The following CSMD1 variants were observed in gnomAD, a reference collection of about 807,000 sequenced individuals.
CSMD1 encodes the protein CUB and Sushi multiple domains 1, also known as CUB and sushi domain-containing protein 1.
A neutral mutation model predicts 417.5 loss-of-function variants in CSMD1; 213 were observed. That is an observed-to-expected ratio of 0.51 (90% CI 0.46 to 0.57). The LOEUF is 0.57. CSMD1 is among the 20% of genes least tolerant of loss of function. The pLI, the probability that CSMD1 is intolerant of heterozygous loss-of-function variation, is 0.00. For missense variants in CSMD1, 6,923 were observed against 4,529.7 expected, an observed-to-expected ratio of 1.53 and a Z score of -15.17; for synonymous variants, 2,862 against 1,736.8, an observed-to-expected ratio of 1.65 and a Z score of -16.11.
chr8:4,857,141 C>T (rs570889007), intron 1 of CSMD1, among the ~76,000 whole-genome samples: 1 of 151,146 alleles, frequency 6.6e-6, no homozygotes, highest in African/African-American at 2.4e-5. Context: ...TACATGGAAA[C>T]TGAACAACCT....
chr8:3,919,742 AT>A (rs567632801), intron 5 of CSMD1, among the ~76,000 whole-genome samples: 225 of 152,256 alleles, frequency 1.5e-3, no homozygotes, highest in Non-Finnish European at 2.5e-3. Flanking sequence ...CATTTTAAAA[AT>A]ATTAATTATT....
intron 3 of CSMD1, among the ~76,000 whole-genome samples, chr8:4,391,516 C>T (rs1216136721): frequency 6.6e-6 from 1 of 152,068 alleles, no homozygotes; most frequent in Non-Finnish European, 1.5e-5. Context: ...GTGCAGGAGA[C>T]CAAGCCACAA....
At chr8:4,317,191 C>T (rs907246870) in intron 3 of CSMD1, among the ~76,000 whole-genome samples, 2 of 152,082 alleles carry the variant, frequency 1.3e-5, no homozygotes, top group Non-Finnish European at 2.9e-5. Context: ...TAAAGCAGCT[C>T]AATGGGTTAT....
intron 26 of CSMD1, among the ~76,000 whole-genome samples, chr8:3,254,062 C>A (rs2117047890): frequency 6.6e-6 from 1 of 152,256 alleles, no homozygotes; most frequent in South Asian, 2.1e-4. Context: ...TCTTGTAGGG[C>A]AGGCCTGGTG....
chr8:3,150,755 G>C (rs1410253351), intron 40 of CSMD1, among the ~76,000 whole-genome samples: 1 of 152,094 alleles, frequency 6.6e-6, no homozygotes, highest in African/African-American at 2.4e-5. Context: ...AGGAAACCAG[G>C]AGGCAGACAG....
chr8:4,322,392 G>A (rs1055194819), intron 3 of CSMD1, among the ~76,000 whole-genome samples: 3 of 152,122 alleles, frequency 2.0e-5, no homozygotes, highest in South Asian at 2.1e-4. Context: ...GTTGGCAAAA[G>A]CATCTCACCT....
chr8:4,460,693 G>A (rs1799760379), intron 2 of CSMD1, among the ~76,000 whole-genome samples: 1 of 152,090 alleles, frequency 6.6e-6, no homozygotes, highest in African/African-American at 2.4e-5. Flanking sequence ...ACATCTGGTA[G>A]TCAACAAACT....
At chr8:4,308,899 C>T (rs1194241802) in intron 3 of CSMD1, among the ~76,000 whole-genome samples, 2 of 152,096 alleles carry the variant, frequency 1.3e-5, no homozygotes, top group Non-Finnish European at 2.9e-5. Flanking sequence ...GTTTAAAATA[C>T]TCAGAAAATA....
At chr8:3,906,531 A>T (rs567139589) in intron 5 of CSMD1, among the ~76,000 whole-genome samples, 1 of 19,788 alleles carries the variant, frequency 5.1e-5, no homozygotes, top group East Asian at 2.3e-3. Context: ...CACTGTAAAG[A>T]GTGAAGACAA....
intron 2 of CSMD1, among the ~76,000 whole-genome samples, chr8:4,610,139 G>A (rs998624200): frequency 3.4e-5 from 5 of 147,998 alleles, no homozygotes; most frequent in African/African-American, 1.2e-4. Flanking sequence ...AAGACTAATA[G>A]GTTATGAACA....
intron 2 of CSMD1, among the ~76,000 whole-genome samples, chr8:4,483,403 C>A (rs1336458033): frequency 6.6e-6 from 1 of 152,162 alleles, no homozygotes; most frequent in Non-Finnish European, 1.5e-5. Flanking sequence ...CTAAAGCTAG[C>A]TAATTACATC....
intron 68 of CSMD1, among the ~76,000 whole-genome samples, chr8:2,945,688 C>A (rs1175558748): frequency 6.6e-6 from 1 of 152,148 alleles, no homozygotes; most frequent in African/African-American, 2.4e-5. Flanking sequence ...CTCTGCTACC[C>A]TCCGTTCCCT....
rs185165106 is a variant in CSMD1, at chr8:4,142,299, A to C, written c.416-110200T>G. On this transcript the variant is annotated intron_variant, in intron 3 of 69. Coordinates refer to ENST00000635120, the MANE Select transcript of CSMD1 (RefSeq NM_033225.6). ...GTATAAGGTAATGTTTCATGCTCCCAAAGATTTGCTATCTTTATCCACCTC... is the reference window on the plus strand; with the variant it reads ...GTATAAGGTAATGTTTCATGCTCCCCAAGATTTGCTATCTTTATCCACCTC... Among the ~76,000 whole-genome samples the C allele has an allele frequency of 7.3e-5, 11 of 151,208 alleles. 1 individual carries two copies. The highest frequency in any genetic ancestry group is 2.7e-4 in the African/African-American group (11 of 40,590).
At chr8:3,971,697 G>A (rs746284639) in intron 5 of CSMD1, among the ~76,000 whole-genome samples, 3 of 152,140 alleles carry the variant, frequency 2.0e-5, no homozygotes, top group Non-Finnish European at 4.4e-5. Context: ...AGGATGCAAG[G>A]ATACGAGCCT....
intron 1 of CSMD1, chr8:4,787,188 G>A: frequency 2.3e-6 from 1 of 432,920 alleles, no homozygotes; most frequent in East Asian, 4.8e-5. Flanking sequence ...GGAAAGAGTG[G>A]CGCAGGGTCG....
chr8:4,790,212 A>G (rs1203847251), intron 1 of CSMD1, among the ~76,000 whole-genome samples: 1 of 152,180 alleles, frequency 6.6e-6, no homozygotes, highest in African/African-American at 2.4e-5. Flanking sequence ...GCCAAATCTG[A>G]GAGCACAACA....
At chr8:3,489,734 G>T (rs1257171855) in intron 11 of CSMD1, among the ~76,000 whole-genome samples, 1 of 152,074 alleles carries the variant, frequency 6.6e-6, no homozygotes, top group Non-Finnish European at 1.5e-5. Flanking sequence ...CCAGAAATAA[G>T]AATTTTTAAA....
intron 1 of CSMD1, among the ~76,000 whole-genome samples, chr8:4,723,802 A>AT: frequency 8.0e-6 from 1 of 125,408 alleles, no homozygotes; most frequent in South Asian, 2.4e-4. Flanking sequence ...AAAAAAAAAC[A>AT]AAAAAAAAAC....
intron 41 of CSMD1, chr8:3,128,712 C>A (rs879761612): frequency 5.6e-6 from 2 of 359,426 alleles, no homozygotes; most frequent in Non-Finnish European, 1.1e-5. Context: ...AGCTCAAATT[C>A]ATGTTCTCAT....
Sources: gnomAD v4.1 joint callset for allele counts (sites outside exome capture counted in the v4.1 genomes callset) on GRCh38, gnomAD v4.1.1 for gene constraint, MANE v1.5 for transcripts, NCBI Gene and HGNC (gene_info 2026-07-23, HGNC 2026-07-21) for gene names.